Variants in SSPN observed in about 807,000 individuals in gnomAD.
SSPN encodes K-ras oncogene-associated protein.
A neutral mutation model predicts 19.1 loss-of-function variants in SSPN; 15 were observed. The observed-to-expected ratio is 0.78, with a 90% CI of 0.52 to 1.21. The LOEUF is 1.21. Ranked by LOEUF, SSPN falls within the 50% of genes most tolerant of loss-of-function variation. SSPN has a pLI of 0.00. For missense variants in SSPN, 291 were observed against 314.0 expected (o/e 0.93, Z 0.55); for synonymous variants, 147 against 140.3 (o/e 1.05, Z -0.34).
intron 1 of SSPN, among the ~76,000 whole-genome samples, chr12:26,206,213 C>T (rs1159562588): frequency 2.6e-5 from 4 of 152,160 alleles, no homozygotes; most frequent in Admixed American, 2.6e-4. Context: ...GTAGGAGAGG[C>T]TGCAGGCTGC....
At chr12:26,172,426 AG>A (rs1426670126) in intron 1 of SSPN, among the ~76,000 whole-genome samples, 1 of 152,216 alleles carries the variant, frequency 6.6e-6, no homozygotes, top group Non-Finnish European at 1.5e-5. Context: ...TCTGCATAAT[AG>A]GCTCATTTCT....
At chr12:26,207,573 A>T (rs1021516274) in intron 1 of SSPN, among the ~76,000 whole-genome samples, 1 of 152,138 alleles carries the variant, frequency 6.6e-6, no homozygotes. Flanking sequence ...CATAACCAAC[A>T]TGTCATATTT....
chr12:26,232,218 C>T lies in SSPN; in HGVS notation c.*1142C>T, dbSNP rs139413034. 5.0e-4 allele frequency: 489 copies of T among 985,380 alleles called. 4 individuals are homozygous for T. In the African/African-American group the frequency reaches 7.6e-3, roughly 15 times the overall value. The allele number at this position is 985,380 out of a possible 1,614,324, so 61.0% of individuals were successfully genotyped here. On this transcript the variant is annotated 3_prime_UTR_variant, in exon 3 of 3. Transcript: ENST00000242729. ...TTGATACATAATCCTATTATTAATT[C>T]GTATGCTTAGTCAACCTAGGAAATC...
intron 1 of SSPN, among the ~76,000 whole-genome samples, chr12:26,164,998 A>G (rs55830812): frequency 0.23 from 34,277 of 152,106 alleles, 4,049 homozygotes; most frequent in East Asian, 0.35. Flanking sequence ...AAGAGAAATG[A>G]CTATTTTCTT....
At position 26,231,797 on chromosome 12, in the gene SSPN, G is replaced by T. The variant is rs983748720; in HGVS notation, c.*721G>T. 2.7e-6 allele frequency: 1 copy of T among 366,974 alleles called. No homozygotes were observed. The highest frequency in any genetic ancestry group is 2.2e-5 in the African/African-American group (1 of 45,548). The allele number at this position is 366,974 out of a possible 1,614,324, so 22.7% of individuals were successfully genotyped here. ...AGTTGTATTCTAAATGATGTAGAAG[G>T]TTTAAAAATAATTACATTATGCTTC... On this transcript the variant is annotated 3_prime_UTR_variant, in exon 3 of 3. Coordinates refer to ENST00000242729, the MANE Select transcript of SSPN (RefSeq NM_005086.5).
chr12:26,136,877 C>T (rs964407770), intron 1 of SSPN, among the ~76,000 whole-genome samples: 1 of 152,340 alleles, frequency 6.6e-6, no homozygotes, highest in East Asian at 1.9e-4. Context: ...CATAGTTCCA[C>T]ATTTATGTGC....
At chr12:26,208,021 G>GC (rs930181792) in intron 1 of SSPN, among the ~76,000 whole-genome samples, 1 of 95,064 alleles carries the variant, frequency 1.1e-5, no homozygotes, top group Admixed American at 9.3e-5. Flanking sequence ...GTGGTGGTGG[G>GC]GGGGGGGGAT....
chr12:26,164,901 C>T (rs896645937), intron 1 of SSPN, among the ~76,000 whole-genome samples: 1 of 152,200 alleles, frequency 6.6e-6, no homozygotes, highest in African/African-American at 2.4e-5. Context: ...TCCTCTCAAT[C>T]CTCCTCTTCA....
rs556062874 is a variant in SSPN at position 26,155,609 on chromosome 12, G to A, written c.-31+33457G>A. Among the ~76,000 whole-genome samples, 333 of 152,202 alleles carry A rather than the reference G, an allele frequency of 2.2e-3. 1 individual carries two copies. The highest frequency in any genetic ancestry group is 4.2e-3 in the Non-Finnish European group (287 of 68,018). On this transcript the variant is annotated intron_variant, in intron 1 of 2. Coordinates refer to the SSPN transcript ENST00000538142. ...TGTGTAGGCCAGAGAGTAATTTGGCGGAAAGAGGAAGAGTTAATCTGAAAG... is the reference window on the plus strand; with the variant it reads ...TGTGTAGGCCAGAGAGTAATTTGGCAGAAAGAGGAAGAGTTAATCTGAAAG...
chr12:26,219,813 A>T (rs1007495481), intron 1 of SSPN, among the ~76,000 whole-genome samples: 3 of 152,202 alleles, frequency 2.0e-5, no homozygotes, highest in Admixed American at 2.0e-4. Context: ...CCAGTGCCAC[A>T]CACGTGCCAT....
chr12:26,219,284 G>A (rs1945093038), intron 1 of SSPN, among the ~76,000 whole-genome samples: 1 of 152,056 alleles, frequency 6.6e-6, no homozygotes, highest in African/African-American at 2.4e-5. Flanking sequence ...CTCACAAAAT[G>A]TTTTAGGATG....
At chr12:26,169,031 G>GA (rs57319271) in intron 1 of SSPN, among the ~76,000 whole-genome samples, 19,981 of 145,398 alleles carry the variant, frequency 0.14, 1,412 homozygotes, top group Middle Eastern at 0.19. Context: ...GCCTCATTTT[G>GA]AAAAAAAAAA....
intron 1 of SSPN, among the ~76,000 whole-genome samples, chr12:26,161,500 C>T (rs1944588680): frequency 6.6e-6 from 1 of 152,192 alleles, no homozygotes. Flanking sequence ...CTCCTGATCC[C>T]CATTAATTGG....
upstream of SSPN, among the ~76,000 whole-genome samples, chr12:26,192,587 T>C (rs1944795897): frequency 6.6e-6 from 1 of 152,224 alleles, no homozygotes; most frequent in Non-Finnish European, 1.5e-5. Flanking sequence ...AATGACATCC[T>C]CGTCACTATC....
At chr12:26,167,733 GT>G (rs1944629967) in intron 1 of SSPN, among the ~76,000 whole-genome samples, 2 of 152,168 alleles carry the variant, frequency 1.3e-5, no homozygotes, top group South Asian at 4.1e-4. Context: ...CCTGAGCAAG[GT>G]TGAAGTGGGA....
Position 26,211,851 on chromosome 12 carries a change from A to G in SSPN, c.280-12442A>G, listed in dbSNP as rs191459192. ...GTAACTTTGGTGGGAAAAATTATAT[A>G]AAATTCTAGTTATCAAGTAGTTTCA... On this transcript the variant is annotated intron_variant, in intron 1 of 2. Transcript: ENST00000242729. 1.9e-3 allele frequency among the ~76,000 whole-genome samples: 282 copies of G among 152,308 alleles called. 2 individuals are homozygous for G. Among genetic ancestry groups the G allele is most frequent in the East Asian group, 4.2e-3 (22 of 5,184 alleles).
intron 1 of SSPN, among the ~76,000 whole-genome samples, chr12:26,134,019 T>C (rs1487841462): frequency 6.6e-6 from 1 of 152,228 alleles, no homozygotes; most frequent in Non-Finnish European, 1.5e-5. Flanking sequence ...TGTCATTCTC[T>C]TGATCAAAAC....
chr12:26,168,997 T>A (rs1194279638), intron 1 of SSPN, among the ~76,000 whole-genome samples: 3 of 150,834 alleles, frequency 2.0e-5, no homozygotes, highest in Admixed American at 6.6e-5. Context: ...GATTTTTTTT[T>A]ATTTTTTTAA....
chr12:26,187,471 C>G (rs1274667318), intron 1 of SSPN, among the ~76,000 whole-genome samples: 1 of 152,190 alleles, frequency 6.6e-6, no homozygotes, highest in Admixed American at 6.5e-5. Context: ...TCAGTAACTT[C>G]TATGAGATAA....
Sources: gnomAD v4.1 joint callset for allele counts (sites outside exome capture counted in the v4.1 genomes callset) on GRCh38, gnomAD v4.1.1 for gene constraint, MANE v1.5 for transcripts, NCBI Gene and HGNC (gene_info 2026-07-23, HGNC 2026-07-21) for gene names.